The following FRMD4B variants were observed in gnomAD, a reference collection of about 807,000 sequenced individuals.
FRMD4B encodes FERM domain containing 4B.
Under a neutral mutation model 141.5 loss-of-function variants are expected in FRMD4B, and 74 were observed. The observed-to-expected ratio is 0.52, with a 90% CI of 0.43 to 0.63. FRMD4B has a LOEUF of 0.63. Ranked by LOEUF, FRMD4B falls within the 30% of genes least tolerant of loss-of-function variation. The pLI, the probability that FRMD4B is intolerant of heterozygous loss-of-function variation, is 0.00. For missense variants in FRMD4B, 1,366 were observed against 1,253.4 expected, an observed-to-expected ratio of 1.09 and a Z score of -1.36; for synonymous variants, 506 against 467.9, an observed-to-expected ratio of 1.08 and a Z score of -1.05.
intron 1 of FRMD4B, 66 bp downstream of exon 1, chr3:69,385,762 G>A: frequency 1.5e-6 from 2 of 1,348,964 alleles, no homozygotes; most frequent in East Asian, 2.7e-5. Context: ...CATACAGGTG[G>A]AGCCTGCTTC....
At chr3:69,328,419 T>G (rs1330848356) in intron 1 of FRMD4B, among the ~76,000 whole-genome samples, 1 of 152,136 alleles carries the variant, frequency 6.6e-6, no homozygotes, top group East Asian at 1.9e-4. Context: ...TGTCCCTTTT[T>G]CCCCAGAGCT....
chr3:69,233,595 T>C (rs184921025), intron 7 of FRMD4B, among the ~76,000 whole-genome samples: 1 of 152,154 alleles, frequency 6.6e-6, no homozygotes, highest in Admixed American at 6.5e-5. Flanking sequence ...AAAAATGCCA[T>C]AGTTAAGTGC....
chr3:69,284,241 G>A (rs1391929347), intron 5 of FRMD4B, among the ~76,000 whole-genome samples: 2 of 152,148 alleles, frequency 1.3e-5, no homozygotes, highest in Non-Finnish European at 1.5e-5. Context: ...GAGCTGCGAA[G>A]AGAGAGAACC....
At chr3:69,310,852 T>C (rs1288466546) in intron 3 of FRMD4B, among the ~76,000 whole-genome samples, 1 of 152,206 alleles carries the variant, frequency 6.6e-6, no homozygotes, top group East Asian at 1.9e-4. Context: ...ATACATGTTT[T>C]TTAGTGGGCC....
intron 3 of FRMD4B, chr3:69,310,561 C>CACACACAT (rs1701546162): frequency 2.3e-5 from 5 of 219,876 alleles, no homozygotes; most frequent in Admixed American, 6.5e-5. Context: ...CAAACACACA[C>CACACACAT]ACACACACAC....
chr3:69,340,857 G>C (rs1384624772), intron 1 of FRMD4B, among the ~76,000 whole-genome samples: 1 of 152,098 alleles, frequency 6.6e-6, no homozygotes, highest in Non-Finnish European at 1.5e-5. Flanking sequence ...TAGGTACTTT[G>C]TCTTGCTAAC....
intron 4 of FRMD4B, among the ~76,000 whole-genome samples, chr3:69,295,276 G>T (rs116730047): frequency 6.6e-6 from 1 of 152,128 alleles, no homozygotes; most frequent in African/African-American, 2.4e-5. Context: ...TTGGGTGGGG[G>T]TGTTTACCAA....
chr3:69,229,018 T>TG (rs1006847143), intron 7 of FRMD4B, among the ~76,000 whole-genome samples: 49 of 147,422 alleles, frequency 3.3e-4, no homozygotes, highest in Non-Finnish European at 6.0e-5. Flanking sequence ...AAATCATGTT[T>TG]TTTTTTTTTT....
intron 1 of FRMD4B, among the ~76,000 whole-genome samples, chr3:69,341,486 T>G (rs1702737007): frequency 6.6e-6 from 1 of 152,228 alleles, no homozygotes; most frequent in Non-Finnish European, 1.5e-5. Flanking sequence ...TATAAATGGC[T>G]GCAGGAGTGG....
rs1231191706 is a variant in FRMD4B, at chr3:69,231,930, G to T, written c.582-7240C>A. Among the ~76,000 whole-genome samples the T allele has an allele frequency of 3.3e-5, 5 of 152,316 alleles. No homozygotes were observed. The East Asian group carries it at 9.7e-4, about 29-fold the overall frequency. ...GTGCTCATTTGTTCACCCTCCCGGG[G>T]AATCTGTCTGGGAGCCTGAGGCTGC... On this transcript the variant is annotated intron_variant, in intron 7 of 22. Coordinates refer to ENST00000398540, the MANE Select transcript of FRMD4B (RefSeq NM_015123.3).
intron 1 of FRMD4B, among the ~76,000 whole-genome samples, chr3:69,315,888 T>C (rs999544937): frequency 3.3e-5 from 5 of 152,196 alleles, no homozygotes; most frequent in African/African-American, 9.6e-5. Flanking sequence ...CTCAGATACA[T>C]ATAAACCTAA....
chr3:69,446,908 A>G (rs895425367), intron 1 of FRMD4B, among the ~76,000 whole-genome samples: 1 of 152,164 alleles, frequency 6.6e-6, no homozygotes, highest in African/African-American at 2.4e-5. Flanking sequence ...TGAGGGAATG[A>G]TTGTGTAGGT....
rs553330938 is a variant in FRMD4B, at chr3:69,303,666, A to G, written c.324-1231T>C. 9.2e-5 allele frequency among the ~76,000 whole-genome samples: 14 copies of G among 152,306 alleles called. No homozygotes were observed. The East Asian group carries it at 2.7e-3, about 29-fold the overall frequency. On this transcript the variant is annotated intron_variant, in intron 3 of 22. Transcript: ENST00000398540. ...AGGCTGGGTGTGGTGGCTCACATCT[A>G]GCACTTGTAATCCTAGCACTTGGGA...
chr3:69,527,168 G>T (rs1056542661), intron 1 of FRMD4B, among the ~76,000 whole-genome samples: 13 of 152,020 alleles, frequency 8.6e-5, no homozygotes, highest in Admixed American at 7.9e-4. Context: ...ATTTTCACAA[G>T]TTCATCTCTG....
chr3:69,385,885 C>T lies in FRMD4B; in HGVS notation c.105G>A (p.Arg35=), dbSNP rs1235515715. Reference sequence around the variant, plus strand: ...GCAGCACCTGGTGGCAAGCCCGCAGCCTCTCCGTGTACCATCTCCGCAGCG... The same window carrying T: ...GCAGCACCTGGTGGCAAGCCCGCAGTCTCTCCGTGTACCATCTCCGCAGCG... ...VSTLRRWYTE[R]LRACHQVLRT... Residue 35 remains arginine (R), a synonymous_variant, in exon 1 of 23, where the codon AGG becomes AGA. Coordinates refer to ENST00000398540, the MANE Select transcript of FRMD4B (RefSeq NM_015123.3). The T allele has an allele frequency of 1.2e-6, 2 of 1,601,012 alleles. No homozygotes were observed. The highest frequency in any genetic ancestry group is 1.7e-6 in the Non-Finnish European group (2 of 1,174,540).
rs548290319 is a variant in FRMD4B, at chr3:69,183,589, TC to T, written c.1920-873del. ...GCCCCGCCTCCTGGGTTCACGCCAT[TC>T]TCCTGCCTCAGCCTCCGGAGTAGCT... On this transcript the variant is annotated intron_variant, in intron 19 of 22. Coordinates refer to ENST00000398540, the MANE Select transcript of FRMD4B (RefSeq NM_015123.3). 2.0e-5 allele frequency among the ~76,000 whole-genome samples: 3 copies of T among 149,970 alleles called. No individual in the cohort carries two copies. In the Admixed American group the frequency reaches 2.0e-4, roughly 10 times the overall value.
intron 1 of FRMD4B, among the ~76,000 whole-genome samples, chr3:69,520,467 A>C (rs950583123): frequency 6.6e-6 from 1 of 150,466 alleles, no homozygotes; most frequent in African/African-American, 2.4e-5. Flanking sequence ...TGTATACCAG[A>C]TACCTCTTGG....
Position 69,415,214 on chromosome 3 carries a change from A to G in FRMD4B, c.-1+17420T>C, listed in dbSNP as rs144743247. The stretch of plus-strand genomic sequence containing the variant: ...ACCACTGCCCAGTGAAAAGAAAGAA[A>G]TAGTCAACATCTATATTTTGTGAAC... On this transcript the variant is annotated intron_variant, in intron 2 of 5. Transcript: ENST00000459638. Among the ~76,000 whole-genome samples the G allele has an allele frequency of 5.3e-5, 8 of 152,302 alleles. No individual in the cohort carries two copies. The East Asian group carries it at 1.5e-3, about 29-fold the overall frequency.
chr3:69,194,340 G>T (rs1296339517), intron 16 of FRMD4B, among the ~76,000 whole-genome samples: 2 of 152,148 alleles, frequency 1.3e-5, no homozygotes, highest in South Asian at 4.1e-4. Flanking sequence ...TATGAAGTAG[G>T]ATGAGGATTA....
Sources: gnomAD v4.1 joint callset for allele counts (sites outside exome capture counted in the v4.1 genomes callset) on GRCh38, gnomAD v4.1.1 for gene constraint, MANE v1.5 for transcripts, NCBI Gene and HGNC (gene_info 2026-07-23, HGNC 2026-07-21) for gene names.